The following CD6 variants were observed in gnomAD, a reference collection of about 807,000 sequenced individuals.
CD6 encodes the protein CD6 molecule, also known as T-cell differentiation antigen CD6.
CD6 carries 53 observed loss-of-function variants against 75.3 expected under a neutral mutation model. The observed-to-expected ratio is 0.70, with a 90% confidence interval of 0.56 to 0.88. The LOEUF (loss-of-function observed/expected upper bound fraction) is 0.88. Ranked by LOEUF, CD6 falls within the 40% of genes least tolerant of loss-of-function variation. The pLI, the probability that CD6 is intolerant of heterozygous loss-of-function variation, is 0.00. For missense variants in CD6, 770 were observed against 897.1 expected (o/e 0.86, Z 1.81); for synonymous variants, 359 against 381.5 (o/e 0.94, Z 0.69).
At chr11:60,985,109 T>A (rs1222526931) in intron 1 of CD6, 1 of 151,204 alleles carries the variant, frequency 6.6e-6, no homozygotes. Flanking sequence ...TGTACAGGGG[T>A]CATTCTAATC....
At chr11:61,008,038 C>T (rs1038626418) in intron 3 of CD6, 128 bp downstream of exon 3, 13 of 543,006 alleles carry the variant, frequency 2.4e-5, no homozygotes, top group African/African-American at 1.6e-4. Flanking sequence ...CCTACCAGTG[C>T]AAACGCACCG....
At position 61,008,705 on chromosome 11, in the gene CD6, T is replaced by A. The variant is rs1353104661; in HGVS notation, c.641T>A (p.Leu214Ter). The stretch of plus-strand genomic sequence containing the variant: ...TGGGCAGTCCAGGCCCTGCCCGGCT[T>A]GCACTTCACGCCCGGCCGCGGGCCT... Reference protein sequence around the residue: ...CGWAVQALPGLHFTPGRGPIH... With the variant: ...CGWAVQALPG Residue 214 changes from leucine (L) to a stop codon, truncating the protein, a stop_gained, in exon 4 of 13, where the codon TTG becomes TAG. Coordinates refer to ENST00000313421, the MANE Select transcript of CD6 (RefSeq NM_006725.5). LOFTEE classifies it high-confidence loss of function. 6.2e-7 allele frequency: 1 copy of A among 1,608,096 alleles called. No individual in the cohort carries two copies. The highest frequency in any genetic ancestry group is 8.5e-7 in the Non-Finnish European group (1 of 1,177,826).
chr11:60,987,368 A>G (rs1463893501), intron 1 of CD6, among the ~76,000 whole-genome samples: 3 of 152,236 alleles, frequency 2.0e-5, no homozygotes, highest in Non-Finnish European at 4.4e-5. Flanking sequence ...GACAACAGTC[A>G]TATTGAATTG....
chr11:60,974,436 G>A (rs1038033469), intron 1 of CD6, among the ~76,000 whole-genome samples: 6 of 152,188 alleles, frequency 3.9e-5, no homozygotes, highest in African/African-American at 7.2e-5. Context: ...TAGTAGAGAC[G>A]TGGTTTCGCC....
chr11:60,989,832 T>C (rs991459745), intron 1 of CD6, among the ~76,000 whole-genome samples: 5 of 152,104 alleles, frequency 3.3e-5, no homozygotes, highest in African/African-American at 1.2e-4. Context: ...GCCTGCACGA[T>C]AGTGATAATA....
chr11:61,013,364 CAAG>C lies in CD6; in HGVS notation c.1151-52_1151-50del, dbSNP rs1859240720. Reference sequence around the variant, plus strand: ...GTCAGCTTTACAGAGAATGGAAAGGCAAGAAGAAGGGTGAGTGCCCATTCCTCT... The same window carrying C: ...GTCAGCTTTACAGAGAATGGAAAGGCAAGAAGGGTGAGTGCCCATTCCTCT... On this transcript the variant is annotated intron_variant, in intron 6 of 12. Transcript: ENST00000313421. 8.8e-6 allele frequency: 14 copies of C among 1,583,938 alleles called. No individual in the cohort carries two copies. The East Asian group carries it at 2.7e-4, about 30-fold the overall frequency.
At chr11:61,000,676 C>T (rs985501133) in intron 1 of CD6, among the ~76,000 whole-genome samples, 43 of 152,212 alleles carry the variant, frequency 2.8e-4, no homozygotes, top group African/African-American at 9.9e-4. Context: ...CTCCTTTCTC[C>T]ACAAGTCCCT....
intron 1 of CD6, among the ~76,000 whole-genome samples, chr11:60,976,529 A>G (rs1050552528): frequency 5.3e-5 from 8 of 152,158 alleles, no homozygotes; most frequent in Admixed American, 5.2e-4. Context: ...TGTTTATTTA[A>G]TCATCTCTAT....
chr11:60,997,037 C>A (rs1858334537), intron 1 of CD6, among the ~76,000 whole-genome samples: 1 of 152,130 alleles, frequency 6.6e-6, no homozygotes, highest in African/African-American at 2.4e-5. Context: ...GTACCTTCCC[C>A]CCATACAGCA....
intron 5 of CD6, among the ~76,000 whole-genome samples, chr11:61,010,402 G>A (rs1021224733): frequency 1.3e-5 from 2 of 152,098 alleles, no homozygotes; most frequent in Non-Finnish European, 2.9e-5. Context: ...AACGAACACT[G>A]CCAAAATAAA....
At position 61,011,056 on chromosome 11, in the gene CD6, G is replaced by A; in HGVS notation, c.1085-14G>A. ...GTAACATGCATTGAGTGACTGGGCG[G>A]TGCTTTCTGACAGCTTCCCGGAGTT... is the stretch of plus-strand genomic sequence containing the variant. On this transcript the variant is annotated splice_polypyrimidine_tract_variant and intron_variant, in intron 5 of 12. Transcript: ENST00000313421. 6.2e-7 allele frequency: 1 copy of A among 1,613,784 alleles called. No individual in the cohort carries two copies. Among genetic ancestry groups the A allele is most frequent in the Non-Finnish European group, 8.5e-7 (1 of 1,179,674 alleles).
rs1032061102 is a variant in CD6 at position 61,018,281 on chromosome 11, G to T, written c.1838-8G>T. The T allele has an allele frequency of 2.5e-6, 4 of 1,587,994 alleles. No individual in the cohort carries two copies. Among genetic ancestry groups the T allele is most frequent in the African/African-American group, 2.7e-5 (2 of 74,308 alleles). ...TGGCAGAGGGTGACTGGTTCTGGGG[G>T]TTTCCAGCAGGGCCCCCGGCTGATG... On this transcript the variant is annotated splice_polypyrimidine_tract_variant and splice_region_variant and intron_variant, in intron 11 of 12. Coordinates refer to ENST00000313421, the MANE Select transcript of CD6 (RefSeq NM_006725.5).
intron 1 of CD6, among the ~76,000 whole-genome samples, chr11:60,978,874 A>G (rs74824240): frequency 1.3e-5 from 2 of 152,376 alleles, no homozygotes; most frequent in East Asian, 3.9e-4. Flanking sequence ...TAGATGATGC[A>G]TCTGAAAATA....
At chr11:61,005,866 G>A (rs1219164904) in intron 1 of CD6, among the ~76,000 whole-genome samples, 1 of 151,994 alleles carries the variant, frequency 6.6e-6, no homozygotes, top group African/African-American at 2.4e-5. Context: ...GGGAGGTGGA[G>A]GTTGCGGTGA....
rs146783809 is a variant in CD6, at chr11:61,013,964, C to T, written c.1337C>T (p.Pro446Leu). Residue 446 changes from proline (P) to leucine (L), a missense_variant, in exon 8 of 13, where the codon CCG becomes CTG. Transcript: ENST00000313421. The stretch of plus-strand genomic sequence containing the variant: ...CACCAGCACCTACCCACCACCATCC[C>T]GGCAGGGAGCAATAGCTATCAACCG... ...VNHQHLPTTI[P>L]AGSNSYQPVP... The T allele has an allele frequency of 1.4e-4, 222 of 1,613,698 alleles. 1 individual carries two copies. The highest frequency in any genetic ancestry group is 1.7e-4 in the African/African-American group (13 of 74,902).
At chr11:60,997,621 T>A (rs1858367553) in intron 1 of CD6, among the ~76,000 whole-genome samples, 1 of 152,152 alleles carries the variant, frequency 6.6e-6, no homozygotes, top group African/African-American at 2.4e-5. Flanking sequence ...ACTTAAAGCA[T>A]GTCTCAATTT....
intron 1 of CD6, among the ~76,000 whole-genome samples, chr11:61,000,957 C>G (rs1363195243): frequency 6.6e-6 from 1 of 152,134 alleles, no homozygotes; most frequent in African/African-American, 2.4e-5. Flanking sequence ...CAACCTCTTT[C>G]TTCTCCTATT....
Position 61,007,326 on chromosome 11 carries a change from C to T in CD6, c.119-234C>T, listed in dbSNP as rs1858909941. Among the ~76,000 whole-genome samples the T allele has an allele frequency of 6.6e-6, 1 of 152,190 alleles. No individual in the cohort carries two copies. Among genetic ancestry groups the T allele is most frequent in the East Asian group, 1.9e-4 (1 of 5,182 alleles). The stretch of plus-strand genomic sequence containing the variant: ...CCTAGTTGTCTGTCACCCATCTTAA[C>T]CTCTAGAGTCACTCCCAAGCCCCAC... On this transcript the variant is annotated intron_variant, in intron 2 of 12. Transcript: ENST00000313421. The surrounding 1 kb of genome is among the most constrained non-coding windows in gnomAD (Gnocchi z 4.2).
chr11:61,019,353 A>C lies in CD6; in HGVS notation c.*35A>C. On this transcript the variant is annotated 3_prime_UTR_variant, in exon 13 of 13. Coordinates refer to ENST00000313421, the MANE Select transcript of CD6 (RefSeq NM_006725.5). ...AGCCGAGGCTCCTGGGGTGGCTCTG[A>C]CCCTCTGGCCTCCTGCTCTACCTAC... The C allele has an allele frequency of 6.4e-7, 1 of 1,557,236 alleles. No homozygotes were observed. Among genetic ancestry groups the C allele is most frequent in the Non-Finnish European group, 8.8e-7 (1 of 1,140,886 alleles).
Sources: allele counts gnomAD v4.1 joint callset (sites outside exome capture counted in the v4.1 genomes callset), GRCh38; gene constraint gnomAD v4.1.1; non-coding constraint Gnocchi (gnomAD v3.1); transcripts MANE v1.5; gene names NCBI Gene and HGNC (gene_info 2026-07-23, HGNC 2026-07-21).